MRTFA: variants seen among roughly 807,000 people sequenced by gnomAD.
MRTFA encodes myocardin-related transcription factor A.
A neutral mutation model predicts 83.5 loss-of-function variants in MRTFA; 20 were observed. The ratio of observed to expected loss-of-function variants is 0.24; its 90% CI spans 0.17 to 0.35. The LOEUF (loss-of-function observed/expected upper bound fraction) is 0.35. Among genes scored for constraint, MRTFA ranks in the 10% least tolerant of loss-of-function variants. The pLI, the probability that MRTFA is intolerant of heterozygous loss-of-function variation, is 1.00. For missense variants in MRTFA, 1,200 were observed against 1,224.7 expected (o/e 0.98, Z 0.30); for synonymous variants, 659 against 541.2 (o/e 1.22, Z -3.02).
At chr22:40,450,588 T>G (rs567895800) in intron 4 of MRTFA, among the ~76,000 whole-genome samples, 1 of 151,656 alleles carries the variant, frequency 6.6e-6, no homozygotes, top group African/African-American at 2.4e-5. Context: ...CCCAAGTAGC[T>G]GGGATTACAG....
At chr22:40,533,687 G>C in intron 3 of MRTFA, 1 of 1,115,434 alleles carries the variant, frequency 9.0e-7, no homozygotes, top group Non-Finnish European at 1.1e-6. Context: ...GAAAGTCAAA[G>C]TCACAGGAGA....
intron 3 of MRTFA, among the ~76,000 whole-genome samples, chr22:40,504,550 CTTCTAA>C (rs1054721341): frequency 6.6e-5 from 10 of 152,150 alleles, no homozygotes; most frequent in African/African-American, 2.2e-4. Context: ...TTTAACATTA[CTTCTAA>C]TTCTAATATT....
chr22:40,632,329 G>T (rs1412885077), intron 1 of MRTFA, among the ~76,000 whole-genome samples: 1 of 152,060 alleles, frequency 6.6e-6, no homozygotes, highest in African/African-American at 2.4e-5. Context: ...TGTCACCCAG[G>T]CTGGAGTGCA....
intron 3 of MRTFA, among the ~76,000 whole-genome samples, chr22:40,508,033 T>C (rs369498820): frequency 6.9e-6 from 1 of 145,392 alleles, no homozygotes; most frequent in East Asian, 2.1e-4. Context: ...CGTAGAACAG[T>C]ACCTGGGCAC....
chr22:40,592,288 A>G (rs925194185), intron 2 of MRTFA, among the ~76,000 whole-genome samples: 1 of 140,820 alleles, frequency 7.1e-6, no homozygotes, highest in Non-Finnish European at 1.6e-5. Flanking sequence ...AAAAAAAATT[A>G]TTTTTTTTAA....
intron 4 of MRTFA, 140 bp downstream of exon 4, chr22:40,463,081 G>C: frequency 4.0e-6 from 3 of 742,238 alleles, no homozygotes; most frequent in Non-Finnish European, 7.0e-6. Context: ...CTCTAAACTT[G>C]GAAAGTCATG....
At chr22:40,590,144 G>C (rs1157603863) in intron 2 of MRTFA, among the ~76,000 whole-genome samples, 1 of 151,896 alleles carries the variant, frequency 6.6e-6, no homozygotes, top group Non-Finnish European at 1.5e-5. Context: ...AACACTGTTA[G>C]CCAGGTTAGT....
chr22:40,420,659 T>G (rs1270013878), intron 10 of MRTFA, 83 bp from the exon 11 acceptor site: 25 of 1,567,202 alleles, frequency 1.6e-5, no homozygotes, highest in Non-Finnish European at 2.1e-5. Context: ...GGCAGCAGGA[T>G]TGGGTACAGA....
intron 4 of MRTFA, among the ~76,000 whole-genome samples, chr22:40,457,440 A>G (rs868608248): frequency 3.1e-5 from 3 of 97,962 alleles, no homozygotes; most frequent in Admixed American, 9.2e-5. Context: ...AAGAAAGAGA[A>G]AGAAAGAAAG....
intron 3 of MRTFA, among the ~76,000 whole-genome samples, chr22:40,491,122 C>T (rs1367339830): frequency 6.6e-6 from 1 of 152,136 alleles, no homozygotes; most frequent in East Asian, 1.9e-4. Context: ...GCGGGAGGAT[C>T]GCTTAAGGCT....
chr22:40,597,020 T>C (rs1213309725), intron 1 of MRTFA, among the ~76,000 whole-genome samples: 2 of 152,102 alleles, frequency 1.3e-5, no homozygotes, highest in African/African-American at 2.4e-5. Context: ...CTCTCCTCCA[T>C]GCTCTCATGC....
intron 3 of MRTFA, among the ~76,000 whole-genome samples, chr22:40,482,056 A>G (rs2054101461): frequency 6.7e-6 from 1 of 150,268 alleles, no homozygotes; most frequent in Non-Finnish European, 1.5e-5. Flanking sequence ...CAAGACTCCC[A>G]TCTCAAAAAA....
At chr22:40,480,055 T>C (rs888985807) in intron 3 of MRTFA, among the ~76,000 whole-genome samples, 1 of 152,166 alleles carries the variant, frequency 6.6e-6, no homozygotes, top group Admixed American at 6.5e-5. Context: ...TAAACATGCA[T>C]GCATCATCTT....
In MRTFA at chr22:40,630,833, G is replaced by A. The variant is rs4546087; in HGVS notation, c.-84+5645C>T. Among the ~76,000 whole-genome samples, 1,148 of 152,268 alleles carry A rather than the reference G, an allele frequency of 7.5e-3. 14 individuals carry two copies. The highest frequency in any genetic ancestry group is 0.027 in the African/African-American group (1,103 of 41,538). ...TCCTCCTGTCTCAGCCTCTCACATG[G>A]CTGGGATTATAGGCATGAGCCACAG... On this transcript the variant is annotated intron_variant, in intron 1 of 14. Transcript: ENST00000355630.
chr22:40,609,784 C>A (rs527411274), intron 1 of MRTFA, among the ~76,000 whole-genome samples: 17 of 151,528 alleles, frequency 1.1e-4, no homozygotes, highest in African/African-American at 2.9e-4. Context: ...TGAGTCGAGA[C>A]TGCGCCACTG....
chr22:40,484,402 AAGG>A (rs113137133), intron 3 of MRTFA, among the ~76,000 whole-genome samples: 40 of 152,298 alleles, frequency 2.6e-4, no homozygotes, highest in African/African-American at 9.1e-4. Context: ...CAAACACATA[AAGG>A]AGAAGCCAGA....
At chr22:40,502,749 C>T (rs1456925568) in intron 3 of MRTFA, among the ~76,000 whole-genome samples, 1 of 151,662 alleles carries the variant, frequency 6.6e-6, no homozygotes, top group Non-Finnish European at 1.5e-5. Flanking sequence ...GCTTCTCCAG[C>T]CGCTGCCTCC....
intron 2 of MRTFA, among the ~76,000 whole-genome samples, chr22:40,563,710 T>C (rs2055663340): frequency 1.3e-5 from 2 of 152,156 alleles, no homozygotes; most frequent in African/African-American, 4.8e-5. Flanking sequence ...TGCCAGGTGC[T>C]GTCTGGGTAT....
chr22:40,624,898 A>G (rs1488914525), intron 1 of MRTFA, among the ~76,000 whole-genome samples: 1 of 152,192 alleles, frequency 6.6e-6, no homozygotes, highest in Non-Finnish European at 1.5e-5. Context: ...CAAAACATTA[A>G]CTTTTTAAAA....
Sources: gnomAD v4.1 joint callset for allele counts (sites outside exome capture counted in the v4.1 genomes callset) on GRCh38, gnomAD v4.1.1 for gene constraint, MANE v1.5 for transcripts, NCBI Gene and HGNC (gene_info 2026-07-23, HGNC 2026-07-21) for gene names.